HFM1: variants seen among roughly 807,000 people sequenced by gnomAD.
HFM1 encodes probable ATP-dependent DNA helicase HFM1.
A neutral mutation model predicts 192.1 loss-of-function variants in HFM1; 169 were observed. The observed-to-expected ratio is 0.88, with a 90% CI of 0.78 to 1.00. The LOEUF is 1.00. HFM1 is among the 50% of genes least tolerant of loss of function. The pLI, the probability that HFM1 is intolerant of heterozygous loss-of-function variation, is 0.00. For synonymous variants in HFM1, 525 were observed against 537.8 expected (o/e 0.98, Z 0.33); for missense variants, 1,661 against 1,668.0 (o/e 1.00, Z 0.07).
chr1:91,329,072 T>C, intron 20 of HFM1: 2 of 1,610,194 alleles, frequency 1.2e-6, no homozygotes, highest in Non-Finnish European at 1.7e-6. Flanking sequence ...TGCTAGGCAG[T>C]GACTACTGTA....
chr1:91,295,964 T>C (rs2100983734), intron 30 of HFM1, among the ~76,000 whole-genome samples: 1 of 152,276 alleles, frequency 6.6e-6, no homozygotes, highest in South Asian at 2.1e-4. Flanking sequence ...GGAGTCTCAC[T>C]CTGTCACCCA....
chr1:91,312,954 T>G (rs1411718459), intron 30 of HFM1, among the ~76,000 whole-genome samples: 1 of 152,134 alleles, frequency 6.6e-6, no homozygotes, highest in Admixed American at 6.5e-5. Flanking sequence ...TTTCTGCTTT[T>G]GCTTCTTCCT....
chr1:91,312,299 T>C (rs1024491693), intron 30 of HFM1, among the ~76,000 whole-genome samples: 8 of 151,986 alleles, frequency 5.3e-5, no homozygotes, highest in Non-Finnish European at 1.2e-4. Flanking sequence ...TTGGAAAAGC[T>C]GCAGACACTC....
chr1:91,317,283 A>C (rs1651390322), intron 25 of HFM1, among the ~76,000 whole-genome samples: 1 of 151,966 alleles, frequency 6.6e-6, no homozygotes, highest in Admixed American at 6.6e-5. Flanking sequence ...GCATGGTGGC[A>C]CATGCCTGTA....
At chr1:91,343,106 C>T (rs1655589732) in intron 20 of HFM1, among the ~76,000 whole-genome samples, 1 of 151,710 alleles carries the variant, frequency 6.6e-6, no homozygotes, top group Admixed American at 6.6e-5. Context: ...TGGCAGGCGC[C>T]TGTAGTCCCA....
chr1:91,366,215 T>C (rs1365732619), intron 13 of HFM1, among the ~76,000 whole-genome samples: 6 of 152,216 alleles, frequency 3.9e-5, no homozygotes, highest in African/African-American at 1.2e-4. Context: ...AAGGAACTTG[T>C]AGTGTATTTC....
At chr1:91,314,877 A>G (rs192505062) in intron 28 of HFM1, among the ~76,000 whole-genome samples, 75 of 152,330 alleles carry the variant, frequency 4.9e-4, no homozygotes, top group African/African-American at 1.8e-3. Context: ...TAGCTGCAGG[A>G]GAGCAGTTAC....
At position 91,302,718 on chromosome 1, in the gene HFM1, G is replaced by T. The variant is rs1336687933; in HGVS notation, c.3391+10631C>A. Among the ~76,000 whole-genome samples the T allele has an allele frequency of 5.6e-5, 8 of 143,860 alleles. No homozygotes were observed. The South Asian group carries it at 1.9e-3, about 35-fold the overall frequency. 94.4% of individuals were successfully genotyped at this position (143,860 alleles called of 152,430 possible). ...AAACACTGCATGTTCTTACTCATAG[G>T]TGGAATTGAACAATGAGAACACATA... On this transcript the variant is annotated intron_variant, in intron 30 of 38. Transcript: ENST00000370425.
chr1:91,338,869 C>A, intron 20 of HFM1: 1 of 454,300 alleles, frequency 2.2e-6, no homozygotes, highest in South Asian at 1.6e-5. Context: ...CACATGAGTG[C>A]GTAACCTTCT....
rs146051438 is a variant in HFM1, at chr1:91,380,982, G to T, written c.803C>A (p.Pro268Gln). The T allele has an allele frequency of 2.2e-5, 31 of 1,410,852 alleles. No individual in the cohort carries two copies. Among genetic ancestry groups the T allele is most frequent in the Non-Finnish European group, 2.9e-5 (29 of 999,002 alleles). The allele number at this position is 1,410,852 out of a possible 1,614,324, so 87.4% of individuals were successfully genotyped here. A position where few individuals can be genotyped will look rare whatever the true frequency, so the allele number is the denominator to read the frequency against. Residue 268 changes from proline (P) to glutamine (Q), a missense_variant and splice_region_variant, in exon 7 of 39, where the codon CCG (proline) becomes CAG (glutamine). Pro to Gln is a moderately conservative substitution (Grantham distance 76). Coordinates refer to ENST00000370425, the MANE Select transcript of HFM1 (RefSeq NM_001017975.6). ...TTTGAAAATACTTCTAAATTTTGCC[G>T]CTTACAATAACATTAAGGAGTCAAA... The part of the protein sequence containing the change: ...LGSLKAVTEI[P>Q]AKFRSIFKEF...
intron 6 of HFM1, among the ~76,000 whole-genome samples, chr1:91,383,109 A>T (rs556582043): frequency 3.0e-4 from 45 of 152,326 alleles, no homozygotes; most frequent in South Asian, 2.3e-3. Flanking sequence ...AATGAGTTTT[A>T]CACAAAATGA....
rs1186194264 is a variant in HFM1 at position 91,348,029 on chromosome 1, T to C, written c.2207-553A>G. Among the ~76,000 whole-genome samples the C allele has an allele frequency of 3.9e-5, 6 of 152,152 alleles. No individual in the cohort carries two copies. In the East Asian group the frequency reaches 1.2e-3, roughly 29 times the overall value. On this transcript the variant is annotated intron_variant, in intron 18 of 38. Transcript: ENST00000370425. ...CTATGGTATGTAAGTCAGAATAGCATTGACTTCTGGGGGCAAATACTGACA... is the reference window on the plus strand; with the variant it reads ...CTATGGTATGTAAGTCAGAATAGCACTGACTTCTGGGGGCAAATACTGACA...
At chr1:91,289,333 C>T (rs969712820) in intron 30 of HFM1, among the ~76,000 whole-genome samples, 5 of 151,954 alleles carry the variant, frequency 3.3e-5, no homozygotes, top group African/African-American at 1.2e-4. Context: ...TCCTCACTTC[C>T]TAGACGGGAT....
chr1:91,392,300 A>G (rs1034504874), intron 4 of HFM1, among the ~76,000 whole-genome samples: 2 of 152,226 alleles, frequency 1.3e-5, no homozygotes, highest in Admixed American at 6.5e-5. Flanking sequence ...GTGCACACGT[A>G]TGTTTATTGC....
At chr1:91,289,691 C>A (rs1668488457) in intron 30 of HFM1, among the ~76,000 whole-genome samples, 1 of 152,116 alleles carries the variant, frequency 6.6e-6, no homozygotes, top group Non-Finnish European at 1.5e-5. Flanking sequence ...GAAACCCCGT[C>A]TCTACCAAAA....
chr1:91,389,874 C>A (rs1051477166), intron 4 of HFM1, among the ~76,000 whole-genome samples: 2 of 152,096 alleles, frequency 1.3e-5, no homozygotes, highest in Non-Finnish European at 2.9e-5. Context: ...GCTGATGGGA[C>A]TATAAAGTGA....
intron 1 of HFM1, chr1:91,404,579 A>G (rs1265632793): frequency 3.9e-6 from 1 of 258,572 alleles, no homozygotes; most frequent in Non-Finnish European, 7.6e-6. Context: ...CGCAGGCCTC[A>G]CCGCTTTCTG....
chr1:91,344,236 G>C (rs1655797879), intron 19 of HFM1, among the ~76,000 whole-genome samples: 1 of 152,172 alleles, frequency 6.6e-6, no homozygotes, highest in Non-Finnish European at 1.5e-5. Flanking sequence ...TAGTCCAGGA[G>C]ATATAAGATA....
Position 91,315,836 on chromosome 1 carries a change from A to G in HFM1, c.3119T>C (p.Val1040Ala). The G allele has an allele frequency of 6.2e-7, 1 of 1,610,404 alleles. No homozygotes were observed. Among genetic ancestry groups the G allele is most frequent in the Non-Finnish European group, 8.5e-7 (1 of 1,177,846 alleles). Residue 1040 changes from valine (V) to alanine (A), a missense_variant, in exon 28 of 39, where the codon GTA becomes GCA. Coordinates refer to ENST00000370425, the MANE Select transcript of HFM1 (RefSeq NM_001017975.6). ...TLIIGDADNQ[V>A]VYLHKITDSV... is the part of the protein sequence containing the mutation. ...TTACGTAATCTTGTGCAGATAAACTACTTGATTATCTGCGTCACCTATGAT... is the reference window on the plus strand; with the variant it reads ...TTACGTAATCTTGTGCAGATAAACTGCTTGATTATCTGCGTCACCTATGAT...
Sources: allele counts gnomAD v4.1 joint callset (sites outside exome capture counted in the v4.1 genomes callset), GRCh38; gene constraint gnomAD v4.1.1; transcripts MANE v1.5; gene names NCBI Gene and HGNC (gene_info 2026-07-23, HGNC 2026-07-21).